Variants in RAD51 observed in about 807,000 individuals in gnomAD.
The protein encoded by RAD51 is RAD51 recombinase.
Under a neutral mutation model 41.5 loss-of-function variants are expected in RAD51, and 14 were observed. That is an observed-to-expected ratio of 0.34 (90% CI 0.22 to 0.53). The LOEUF is 0.53. RAD51 is among the 20% of genes least tolerant of loss of function. RAD51 has a pLI of 0.95. For synonymous variants in RAD51, 136 were observed against 148.6 expected (o/e 0.92, Z 0.62); for missense variants, 234 against 422.0 (o/e 0.55, Z 3.90).
Position 40,698,748 on chromosome 15 carries a change from A to G in RAD51, c.-2-9A>G, listed in dbSNP as rs750289427. ...AGTGTTTATACTGATAAGCATTTGTATTTTTCAGTAATGGCAATGCAGATG... is the reference window on the plus strand; with the variant it reads ...AGTGTTTATACTGATAAGCATTTGTGTTTTTCAGTAATGGCAATGCAGATG... On this transcript the variant is annotated splice_polypyrimidine_tract_variant and intron_variant, in intron 1 of 9. Transcript: ENST00000267868. 1.2e-6 allele frequency: 2 copies of G among 1,610,928 alleles called. No homozygotes were observed. Among genetic ancestry groups the G allele is most frequent in the African/African-American group, 1.3e-5 (1 of 74,938 alleles).
chr15:40,714,061 G>A (rs959075019), intron 5 of RAD51, among the ~76,000 whole-genome samples: 8 of 136,158 alleles, frequency 5.9e-5, no homozygotes, highest in Non-Finnish European at 1.1e-4. Flanking sequence ...ACTCCTGAGC[G>A]CAAGCAATCC....
At position 40,709,012 on chromosome 15, in the gene RAD51, A is replaced by T. The variant is rs1283726287; in HGVS notation, c.344-13A>T. 6.2e-7 allele frequency: 1 copy of T among 1,603,290 alleles called. No individual in the cohort carries two copies. The highest frequency in any genetic ancestry group is 8.5e-7 in the Non-Finnish European group (1 of 1,170,106). On this transcript the variant is annotated splice_polypyrimidine_tract_variant and intron_variant, in intron 4 of 9. Coordinates refer to ENST00000267868, the MANE Select transcript of RAD51 (RefSeq NM_002875.5). ...TGTATTATGCTAAGAGTTATTTCTT[A>T]TCGCTTTTTTAGGTGGAATTGAGAC...
chr15:40,718,992 A>C, intron 6 of RAD51, 93 bp downstream of exon 6: 1 of 1,147,128 alleles, frequency 8.7e-7, no homozygotes, highest in Non-Finnish European at 1.3e-6. Flanking sequence ...TCTCTTCTAT[A>C]ACCCCACGTC....
chr15:40,702,672 C>G (rs1243474514), intron 3 of RAD51, among the ~76,000 whole-genome samples: 2 of 152,058 alleles, frequency 1.3e-5, no homozygotes, highest in Non-Finnish European at 2.9e-5. Context: ...CTCCCACCAC[C>G]ACACGTGGCT....
intron 6 of RAD51, among the ~76,000 whole-genome samples, chr15:40,727,953 G>A (rs573571102): frequency 1.0e-4 from 15 of 149,070 alleles, no homozygotes; most frequent in Middle Eastern, 3.6e-3. Flanking sequence ...TCTGTCTCCC[G>A]GGTTCAAGCG....
chr15:40,694,797 T>C (rs557160839), upstream of RAD51: 1 of 152,284 alleles, frequency 6.6e-6, no homozygotes, highest in East Asian at 1.9e-4. Flanking sequence ...GTCTTCGATC[T>C]GGTAAACAGA....
intron 5 of RAD51, among the ~76,000 whole-genome samples, chr15:40,715,404 C>G (rs947940085): frequency 6.6e-6 from 1 of 152,078 alleles, no homozygotes; most frequent in African/African-American, 2.4e-5. Context: ...ATCACATACC[C>G]TTTGACAGAA....
At chr15:40,723,561 A>T (rs1896389320) in intron 6 of RAD51, among the ~76,000 whole-genome samples, 1 of 152,222 alleles carries the variant, frequency 6.6e-6, no homozygotes, top group Non-Finnish European at 1.5e-5. Flanking sequence ...AAATGATAGA[A>T]GTTAAACACA....
intron 6 of RAD51, among the ~76,000 whole-genome samples, chr15:40,724,697 T>TTTG (rs1896468200): frequency 7.3e-6 from 1 of 137,058 alleles, no homozygotes; most frequent in African/African-American, 2.7e-5. Context: ...TTTTTTTTTT[T>TTTG]GAGACAGAGT....
At chr15:40,699,232 G>A (rs3101861) in intron 2 of RAD51, among the ~76,000 whole-genome samples, 1 of 151,918 alleles carries the variant, frequency 6.6e-6, no homozygotes, top group African/African-American at 2.4e-5. Flanking sequence ...CAACCTCTGC[G>A]TCCCAGGTTC....
chr15:40,723,858 T>C (rs981116739), intron 6 of RAD51, among the ~76,000 whole-genome samples: 1 of 152,202 alleles, frequency 6.6e-6, no homozygotes, highest in African/African-American at 2.4e-5. Context: ...TAAGTTTCTA[T>C]ATCAAATAAA....
intron 6 of RAD51, among the ~76,000 whole-genome samples, chr15:40,721,201 T>G (rs1251363691): frequency 6.6e-6 from 1 of 152,150 alleles, no homozygotes; most frequent in Non-Finnish European, 1.5e-5. Flanking sequence ...GCAGTTCTCC[T>G]CAGATTTTAT....
chr15:40,705,387 C>A (rs991585307), intron 3 of RAD51, among the ~76,000 whole-genome samples: 2 of 151,964 alleles, frequency 1.3e-5, no homozygotes, highest in African/African-American at 4.8e-5. Flanking sequence ...ATGTTCTCAG[C>A]CAGACAATAT....
At position 40,727,505 on chromosome 15, in the gene RAD51, G is replaced by A. The variant is rs562669390; in HGVS notation, c.531-1206G>A. Among the ~76,000 whole-genome samples, 27 of 151,988 alleles carry A rather than the reference G, an allele frequency of 1.8e-4. No individual in the cohort carries two copies. In the South Asian group the frequency reaches 5.4e-3, roughly 30 times the overall value. On this transcript the variant is annotated intron_variant, in intron 6 of 9. Coordinates refer to ENST00000267868, the MANE Select transcript of RAD51 (RefSeq NM_002875.5). ...TACATTTTGTATTTTTAGTAGAGAT[G>A]GTGTTTCACCATGTAGTCTAGGCTG...
intron 6 of RAD51, 114 bp downstream of exon 6, chr15:40,719,013 A>G (rs986360225): frequency 2.1e-6 from 2 of 932,100 alleles, no homozygotes; most frequent in African/African-American, 3.3e-5. Context: ...CCAAAGTTGT[A>G]TGTGTGGTTC....
intron 2 of RAD51, among the ~76,000 whole-genome samples, chr15:40,700,619 G>C (rs1894921365): frequency 6.6e-6 from 1 of 152,082 alleles, no homozygotes; most frequent in African/African-American, 2.4e-5. Context: ...ACATGGCTTA[G>C]TGCTAGTTTA....
chr15:40,715,770 C>G (rs1218697037), intron 5 of RAD51, among the ~76,000 whole-genome samples: 1 of 152,194 alleles, frequency 6.6e-6, no homozygotes, highest in African/African-American at 2.4e-5. Context: ...CCAAGGAAGT[C>G]TATTCAATTG....
chr15:40,725,196 G>A (rs939877095), intron 6 of RAD51, among the ~76,000 whole-genome samples: 1 of 152,008 alleles, frequency 6.6e-6, no homozygotes, highest in Non-Finnish European at 1.5e-5. Flanking sequence ...ACCGTGCCTG[G>A]CCTATTTCTT....
chr15:40,718,790 T>G lies in RAD51; in HGVS notation c.436-15T>G, dbSNP rs2141857305. 1 of 1,577,066 alleles carries G rather than the reference T, an allele frequency of 6.3e-7. No homozygotes were observed. Among genetic ancestry groups the G allele is most frequent in the Non-Finnish European group, 8.7e-7 (1 of 1,146,610 alleles). On this transcript the variant is annotated splice_polypyrimidine_tract_variant and intron_variant, in intron 5 of 9. Transcript: ENST00000267868. Reference sequence around the variant, plus strand: ...ATACAATGTTCATTTCTACTGTTGTTTTTGTTCTCTATAGCTTCCCATTGA... The same window carrying G: ...ATACAATGTTCATTTCTACTGTTGTGTTTGTTCTCTATAGCTTCCCATTGA...
Sources: allele counts gnomAD v4.1 joint callset (sites outside exome capture counted in the v4.1 genomes callset), GRCh38; gene constraint gnomAD v4.1.1; transcripts MANE v1.5; gene names NCBI Gene and HGNC (gene_info 2026-07-23, HGNC 2026-07-21).